Variants in ANKRD30B observed in about 807,000 individuals in gnomAD.
ANKRD30B encodes the protein ankyrin repeat domain-containing protein 30B.
A neutral mutation model predicts 202.2 loss-of-function variants in ANKRD30B; 144 were observed. The ratio of observed to expected loss-of-function variants is 0.71; its 90% CI spans 0.62 to 0.82. ANKRD30B has a LOEUF of 0.82. Ranked by LOEUF, ANKRD30B falls within the 40% of genes least tolerant of loss-of-function variation. ANKRD30B has a pLI of 0.00. For missense variants in ANKRD30B, 1,487 were observed against 1,669.1 expected, an observed-to-expected ratio of 0.89 and a Z score of 1.90; for synonymous variants, 508 against 561.3, an observed-to-expected ratio of 0.91 and a Z score of 1.34.
chr18:14,753,082 C>G, intron 3 of ANKRD30B, 70 bp downstream of exon 3: 1 of 1,244,946 alleles, frequency 8.0e-7, no homozygotes, highest in Non-Finnish European at 1.1e-6. Flanking sequence ...ATATGTAAGG[C>G]TTTTATATTT....
rs746200342 is a variant in ANKRD30B at position 14,808,569 on chromosome 18, G to A, written c.2303G>A (p.Gly768Asp). Reference protein sequence around the residue: ...GKLEESPDKDGLLKPTCGRKV... With the variant: ...GKLEESPDKDDLLKPTCGRKV... ...CTTTTAGAGTCTCCTGATAAAGATG[G>A]TCTTCTGAAGGTAATTACTTTTATA... The change falls in exon 25 of 44, where the codon GGT (glycine) becomes GAT (aspartate). Residue 768 changes from glycine (G) to aspartate (D), a missense_variant. Transcript: ENST00000690538. 2.6e-6 allele frequency: 4 copies of A among 1,540,336 alleles called. 1 individual carries two copies. In the South Asian group the frequency reaches 4.5e-5, roughly 18 times the overall value.
intron 41 of ANKRD30B, 42 bp from the exon 42 acceptor site, chr18:14,851,467 T>C: frequency 6.8e-7 from 1 of 1,463,786 alleles, no homozygotes; most frequent in Non-Finnish European, 9.0e-7. Context: ...TGATATGCCA[T>C]TTTATTGAGT....
At chr18:14,939,247 C>T in the ANKRD30B span, among the ~76,000 whole-genome samples, 1 of 152,096 alleles carries the variant, frequency 6.6e-6, no homozygotes, top group East Asian at 1.9e-4. Context: ...GGTCATCATC[C>T]CCACCAGTCC....
At chr18:14,937,722 C>T in the ANKRD30B span, among the ~76,000 whole-genome samples, 3 of 152,310 alleles carry the variant, frequency 2.0e-5, no homozygotes, top group Middle Eastern at 3.4e-3. Context: ...TTTGTTGCTC[C>T]GTTCTTCTGT....
the ANKRD30B span, among the ~76,000 whole-genome samples, chr18:14,930,924 G>C: frequency 6.6e-6 from 1 of 152,182 alleles, no homozygotes; most frequent in African/African-American, 2.4e-5. Context: ...TTGGTGCTTG[G>C]AAAACTGGGG....
intron 14 of ANKRD30B, 114 bp from the exon 15 acceptor site, chr18:14,786,925 C>A: frequency 9.7e-7 from 1 of 1,027,064 alleles, no homozygotes; most frequent in Non-Finnish European, 1.4e-6. Flanking sequence ...AAAGAATATA[C>A]AGGCTACAGA....
chr18:14,856,266 G>A (rs1175777986), downstream of ANKRD30B, among the ~76,000 whole-genome samples: 1 of 127,918 alleles, frequency 7.8e-6, no homozygotes, highest in Non-Finnish European at 1.7e-5. Flanking sequence ...TCACTTCCCA[G>A]ATGGGGCGGC....
intron 9 of ANKRD30B, among the ~76,000 whole-genome samples, chr18:14,772,945 A>G (rs1447125411): frequency 6.6e-6 from 1 of 152,088 alleles, no homozygotes; most frequent in African/African-American, 2.4e-5. Flanking sequence ...GCGAGACCTT[A>G]TCACTAATTT....
chr18:14,843,395 TA>T (rs1193073844), intron 39 of ANKRD30B, among the ~76,000 whole-genome samples: 2 of 152,310 alleles, frequency 1.3e-5, no homozygotes, highest in Non-Finnish European at 1.5e-5. Flanking sequence ...TAAACTCTAA[TA>T]TTTTTTTCTG....
intron 34 of ANKRD30B, among the ~76,000 whole-genome samples, chr18:14,833,672 T>C (rs1337322532): frequency 6.6e-6 from 1 of 152,228 alleles, no homozygotes. Flanking sequence ...ATTAAAATCT[T>C]TATTACACAA....
chr18:14,911,294 T>G, the ANKRD30B span, among the ~76,000 whole-genome samples: 4 of 152,280 alleles, frequency 2.6e-5, no homozygotes, highest in South Asian at 8.3e-4. Context: ...TTTAGTTGAT[T>G]ATTATATATG....
Position 14,772,198 on chromosome 18 carries a change from A to G in ANKRD30B, c.1299A>G (p.Lys433=). 6.6e-7 allele frequency: 1 copy of G among 1,508,904 alleles called. No homozygotes were observed. 93.5% of individuals were successfully genotyped at this position (1,508,904 alleles called of 1,614,324 possible). The part of the protein sequence containing the change: ...TRTIENSQCT[K]VEEDFNLATK... ...CTATTGAAAATTCACAGTGTACAAA[A>G]GTTGAGGAAGACTTTAATCTTGCTA... Residue 433 remains lysine (K), a synonymous_variant, in exon 9 of 44, where the codon AAA becomes AAG. Coordinates refer to ENST00000690538, the MANE Select transcript of ANKRD30B (RefSeq NM_001367607.2).
At chr18:14,820,897 T>C (rs1158258148) in intron 30 of ANKRD30B, among the ~76,000 whole-genome samples, 1 of 152,198 alleles carries the variant, frequency 6.6e-6, no homozygotes, top group African/African-American at 2.4e-5. Flanking sequence ...TAGGGAGGAT[T>C]CCCTCTTTTT....
downstream of ANKRD30B, among the ~76,000 whole-genome samples, chr18:14,855,750 C>T (rs562339921): frequency 1.4e-5 from 2 of 146,164 alleles, no homozygotes; most frequent in African/African-American, 5.1e-5. Flanking sequence ...GGGGGGCAGC[C>T]AGGCAGAGGG....
At chr18:14,808,352 T>A in intron 24 of ANKRD30B, 199 bp from the exon 25 acceptor site, 1 of 622,670 alleles carries the variant, frequency 1.6e-6, no homozygotes, top group Non-Finnish European at 3.0e-6. Flanking sequence ...TGATGAAATT[T>A]ATTTTTTAAA....
chr18:14,763,817 C>A lies in ANKRD30B; in HGVS notation c.952C>A (p.Gln318Lys). 1 of 1,613,652 alleles carries A rather than the reference C, an allele frequency of 6.2e-7. No individual in the cohort carries two copies. Among genetic ancestry groups the A allele is most frequent in the East Asian group, 2.2e-5 (1 of 44,864 alleles). Residue 318 changes from glutamine (Q) to lysine (K), a missense_variant, in exon 7 of 44, where the codon CAA becomes AAA. By Grantham distance (53) the Gln-to-Lys change is moderately conservative. Coordinates refer to ENST00000690538, the MANE Select transcript of ANKRD30B (RefSeq NM_001367607.2). ...RLVEGTSAKIQCLGKATSGKF... is the reference protein window; with the variant it reads ...RLVEGTSAKIKCLGKATSGKF... The stretch of plus-strand genomic sequence containing the variant: ...GGTGGAGGGAACGTCTGCCAAAATT[C>A]AATGTCTGGGGAAAGCAACATCTGG...
intron 10 of ANKRD30B, 45 bp from the exon 11 acceptor site, chr18:14,779,915 A>G: frequency 3.8e-6 from 5 of 1,330,058 alleles, no homozygotes; most frequent in Non-Finnish European, 1.1e-6. Flanking sequence ...TAAAATTTAT[A>G]ATAAGGAATG....
At chr18:14,910,676 A>T in the ANKRD30B span, among the ~76,000 whole-genome samples, 1 of 151,892 alleles carries the variant, frequency 6.6e-6, no homozygotes, top group Admixed American at 6.6e-5. Context: ...TTGTGGTTCT[A>T]TTTTTAGTTA....
At chr18:14,940,223 C>T in the ANKRD30B span, among the ~76,000 whole-genome samples, 1 of 152,186 alleles carries the variant, frequency 6.6e-6, no homozygotes, top group Non-Finnish European at 1.5e-5. Flanking sequence ...ACCCAGCCTC[C>T]CTGCTGTAGA....
Sources: gnomAD v4.1 joint callset for allele counts (sites outside exome capture counted in the v4.1 genomes callset) on GRCh38, gnomAD v4.1.1 for gene constraint, MANE v1.5 for transcripts, NCBI Gene and HGNC (gene_info 2026-07-23, HGNC 2026-07-21) for gene names.